The following SORL1 variants were observed in gnomAD, a reference collection of about 807,000 sequenced individuals.
The protein encoded by SORL1 is sortilin-related receptor.
In SORL1, 127 loss-of-function variants were observed where a neutral mutation model predicts 273.7. The ratio of observed to expected loss-of-function variants is 0.46; its 90% confidence interval spans 0.40 to 0.54. The LOEUF is 0.54. Ranked by LOEUF, SORL1 falls within the 20% of genes least tolerant of loss-of-function variation. The pLI is 0.00. For synonymous variants in SORL1, 1,031 were observed against 1,067.4 expected, an observed-to-expected ratio of 0.97 and a Z score of 0.66; for missense variants, 2,494 against 2,846.1, an observed-to-expected ratio of 0.88 and a Z score of 2.81.
intron 12 of SORL1, among the ~76,000 whole-genome samples, chr11:121,542,953 G>A (rs889421733): frequency 2.6e-5 from 4 of 151,094 alleles, no homozygotes; most frequent in African/African-American, 7.3e-5. Flanking sequence ...CGAGGCAGGC[G>A]GATCACGAGG....
intron 6 of SORL1, among the ~76,000 whole-genome samples, chr11:121,506,404 G>A (rs1459298071): frequency 1.3e-5 from 2 of 152,176 alleles, no homozygotes; most frequent in African/African-American, 4.8e-5. Flanking sequence ...CAATCATGGT[G>A]GAAGGCAAGC....
At chr11:121,584,872 G>T (rs1863070975) in intron 26 of SORL1, among the ~76,000 whole-genome samples, 1 of 152,172 alleles carries the variant, frequency 6.6e-6, no homozygotes, top group East Asian at 1.9e-4. Flanking sequence ...GCGATTATAG[G>T]CACGAGCCAC....
chr11:121,489,545 G>T (rs776197389), intron 4 of SORL1, among the ~76,000 whole-genome samples: 1 of 152,190 alleles, frequency 6.6e-6, no homozygotes, highest in Non-Finnish European at 1.5e-5. Context: ...ATTGTAGCAT[G>T]TGTCAATTTT....
chr11:121,452,540 G>C lies in SORL1; in HGVS notation c.209G>C (p.Ser70Thr), dbSNP rs1279928761. The C allele has an allele frequency of 6.7e-7, 1 of 1,492,802 alleles. No individual in the cohort carries two copies. Among genetic ancestry groups the C allele is most frequent in the Admixed American group, 2.2e-5 (1 of 44,620 alleles). The allele number at this position is 1,492,802 out of a possible 1,614,324, so 92.5% of individuals were successfully genotyped here. A position where few individuals can be genotyped will look rare whatever the true frequency, so the allele number is the denominator to read the frequency against. The stretch of plus-strand genomic sequence containing the variant: ...GCGCGCGGGGATGCCAGGGGGGCGA[G>C]CCGCGCGGACGAGAAGCCGCTCCGG... Reference protein sequence around the residue: ...LWARGDARGASRADEKPLRRK... With the variant: ...LWARGDARGATRADEKPLRRK... Residue 70 changes from serine to threonine, a missense_variant, in exon 1 of 48, where the codon AGC becomes ACC. Physicochemically the swap from Ser to Thr is moderately conservative, Grantham distance 58. Around this residue, in one of 3 missense-constraint regions of SORL1, gnomAD observed 175 missense variants for 147.1 expected, o/e 1.19. Coordinates refer to ENST00000260197, the MANE Select transcript of SORL1 (RefSeq NM_003105.6). The surrounding 1 kb of genome is among the most constrained non-coding windows in gnomAD (Gnocchi z 5.3).
At chr11:121,558,557 G>A in intron 19 of SORL1, 34 bp from the exon 20 acceptor site, 4 of 1,611,542 alleles carry the variant, frequency 2.5e-6, no homozygotes, top group Non-Finnish European at 2.5e-6. Context: ...CTCTAGTATT[G>A]ATGAGGTATG....
chr11:121,456,974 T>G (rs1029523973), intron 1 of SORL1, among the ~76,000 whole-genome samples: 3 of 152,212 alleles, frequency 2.0e-5, no homozygotes, highest in African/African-American at 4.8e-5. Flanking sequence ...GTTTGACCTG[T>G]GTGCTTCCAG....
rs1195233375 is a variant in SORL1 at position 121,563,807 on chromosome 11, G to A, written c.3050-3133G>A. On this transcript the variant is annotated intron_variant, in intron 21 of 47. Coordinates refer to ENST00000260197, the MANE Select transcript of SORL1 (RefSeq NM_003105.6). The surrounding 1 kb of genome is among the most constrained non-coding windows in gnomAD (Gnocchi z 4.2). ...TGATGTATTCAGTTGCTCCTGCGAT[G>A]GCTCTTGGAGCTTTGGAATTCTTTT... 6.6e-6 allele frequency among the ~76,000 whole-genome samples: 1 copy of A among 152,172 alleles called. No homozygotes were observed. Among genetic ancestry groups the A allele is most frequent in the Non-Finnish European group, 1.5e-5 (1 of 68,030 alleles).
intron 25 of SORL1, 37 bp downstream of exon 25, chr11:121,577,437 C>G: frequency 6.5e-7 from 1 of 1,544,118 alleles, no homozygotes; most frequent in Non-Finnish European, 8.7e-7. Flanking sequence ...AGCACTCATC[C>G]GTTCATGCAG....
intron 21 of SORL1, among the ~76,000 whole-genome samples, chr11:121,562,855 A>G (rs921957804): frequency 6.6e-6 from 1 of 152,244 alleles, no homozygotes; most frequent in Non-Finnish European, 1.5e-5. Flanking sequence ...AAAGAAATTC[A>G]TGCACAGTAT....
At chr11:121,605,639 GA>G in intron 35 of SORL1, 68 bp downstream of exon 35, 1 of 1,306,450 alleles carries the variant, frequency 7.7e-7, no homozygotes, top group Non-Finnish European at 1.1e-6. Context: ...GGGTCTTTCT[GA>G]GTATTCTCAG....
chr11:121,501,796 C>A (rs892222165), intron 6 of SORL1, among the ~76,000 whole-genome samples: 1 of 152,174 alleles, frequency 6.6e-6, no homozygotes, highest in Admixed American at 6.5e-5. Flanking sequence ...AGCTACAATT[C>A]AAGATGAGAT....
chr11:121,540,522 C>CAAAAAAA lies in SORL1; in HGVS notation c.1686-3018_1686-3012dup, dbSNP rs34608652. Among the ~76,000 whole-genome samples the CAAAAAAA allele has an allele frequency of 2.0e-3, 203 of 103,882 alleles. 12 individuals carry two copies. Among genetic ancestry groups the CAAAAAAA allele is most frequent in the African/African-American group, 5.1e-3 (140 of 27,508 alleles). 68.2% of individuals were successfully genotyped at this position (103,882 alleles called of 152,430 possible). A position where few individuals can be genotyped will look rare whatever the true frequency, so the allele number is the denominator to read the frequency against. ...TGAAATCCTATCTCTACTAAAAATACAAAAAAAAAAAAAAGAATGCAAAGA... is the reference window on the plus strand; with the variant it reads ...TGAAATCCTATCTCTACTAAAAATACAAAAAAAAAAAAAAAAAAAAAGAATGCAAAGA... On this transcript the variant is annotated intron_variant, in intron 12 of 47. Coordinates refer to ENST00000260197, the MANE Select transcript of SORL1 (RefSeq NM_003105.6).
In SORL1 at chr11:121,622,285, TTC is replaced by T. The variant is rs775690929; in HGVS notation, c.6171+20_6171+21del. On this transcript the variant is annotated intron_variant, in intron 45 of 47. Transcript: ENST00000260197. The stretch of plus-strand genomic sequence containing the variant: ...GAAAGCAGGGTAAGTTCCTCCCTCA[TTC>T]TCAATGACTTTGGAAATTTAATTGA... 1.4e-5 allele frequency: 21 copies of T among 1,454,514 alleles called. No individual in the cohort carries two copies. Among genetic ancestry groups the T allele is most frequent in the Admixed American group, 5.1e-5 (3 of 58,762 alleles). The allele number at this position is 1,454,514 out of a possible 1,614,324, so 90.1% of individuals were successfully genotyped here.
Position 121,629,684 on chromosome 11 carries a change from C to CAAAAAA in SORL1, c.*122_*127dup. The CAAAAAA allele has an allele frequency of 2.9e-6, 1 of 348,782 alleles. No individual in the cohort carries two copies. The highest frequency in any genetic ancestry group is 4.8e-5 in the South Asian group (1 of 20,846). 21.6% of individuals were successfully genotyped at this position (348,782 alleles called of 1,614,324 possible). On this transcript the variant is annotated 3_prime_UTR_variant, in exon 48 of 48. Transcript: ENST00000260197. ...ATGTTATTTTTATATGGGCCAAAAA[C>CAAAAAA]AAAAAACAAAAAAAAAAAAAAGGAA...
chr11:121,553,035 T>G (rs1862527203), intron 16 of SORL1, among the ~76,000 whole-genome samples: 1 of 152,204 alleles, frequency 6.6e-6, no homozygotes, highest in Non-Finnish European at 1.5e-5. Flanking sequence ...TCTTCAGCAC[T>G]CAGGACCTTC....
At chr11:121,544,063 C>T (rs771543242) in intron 13 of SORL1, among the ~76,000 whole-genome samples, 10 of 152,068 alleles carry the variant, frequency 6.6e-5, no homozygotes, top group Non-Finnish European at 1.5e-4. Context: ...AGTGAGTGTG[C>T]CTGACTGTCT....
intron 14 of SORL1, among the ~76,000 whole-genome samples, chr11:121,548,380 G>A (rs769080612): frequency 2.6e-5 from 4 of 152,174 alleles, no homozygotes; most frequent in Non-Finnish European, 5.9e-5. Context: ...TAAAGTGGCC[G>A]TTCAGTAATA....
chr11:121,468,327 G>A (rs1453757574), intron 1 of SORL1, among the ~76,000 whole-genome samples: 1 of 152,172 alleles, frequency 6.6e-6, no homozygotes, highest in Non-Finnish European at 1.5e-5. Context: ...GAGGAGGCTG[G>A]TGGAATAGGC....
intron 6 of SORL1, among the ~76,000 whole-genome samples, chr11:121,506,299 G>A (rs539861826): frequency 3.9e-5 from 6 of 152,088 alleles, no homozygotes; most frequent in South Asian, 4.2e-4. Flanking sequence ...GTATTAGTCC[G>A]TTTTCATGCT....
Sources: allele counts gnomAD v4.1 joint callset (sites outside exome capture counted in the v4.1 genomes callset), GRCh38; gene constraint gnomAD v4.1.1; regional missense constraint gnomAD v4.1.1; non-coding constraint Gnocchi (gnomAD v3.1); transcripts MANE v1.5; gene names NCBI Gene and HGNC (gene_info 2026-07-23, HGNC 2026-07-21).